RNF217: variants seen among roughly 807,000 people sequenced by gnomAD.
RNF217 encodes ring finger protein 217.
In RNF217, 31 loss-of-function variants were observed where a neutral mutation model predicts 57.8. That is an observed-to-expected ratio of 0.54 (90% CI 0.40 to 0.72). The LOEUF (loss-of-function observed/expected upper bound fraction) is 0.72, where lower values mean the gene tolerates loss of function less well. RNF217 is among the 30% of genes least tolerant of loss of function. The pLI, the probability that RNF217 is intolerant of heterozygous loss-of-function variation, is 0.00. For missense variants in RNF217, 696 were observed against 708.3 expected (o/e 0.98, Z 0.20); for synonymous variants, 313 against 294.0 (o/e 1.06, Z -0.66).
At chr6:125,020,793 AAAC>A (rs1785807557) in intron 1 of RNF217, among the ~76,000 whole-genome samples, 1 of 152,230 alleles carries the variant, frequency 6.6e-6, no homozygotes, top group African/African-American at 2.4e-5. Context: ...GAAGAGGGGA[AAAC>A]AACAAATAAA....
chr6:125,040,925 G>T (rs1478574252), intron 1 of RNF217, among the ~76,000 whole-genome samples: 4 of 152,076 alleles, frequency 2.6e-5, no homozygotes, highest in Admixed American at 2.6e-4. Flanking sequence ...AATAAATTAG[G>T]TATTGATGGA....
chr6:125,026,538 G>T (rs534171626), intron 1 of RNF217, among the ~76,000 whole-genome samples: 2 of 152,306 alleles, frequency 1.3e-5, no homozygotes, highest in South Asian at 4.1e-4. Context: ...AGCATTGAGA[G>T]CGTAAACGTG....
chr6:125,029,187 G>A (rs1786239749), intron 1 of RNF217, among the ~76,000 whole-genome samples: 1 of 152,000 alleles, frequency 6.6e-6, no homozygotes, highest in Admixed American at 6.6e-5. Flanking sequence ...GTCTTTTTTG[G>A]ACACCTCTCT....
intron 1 of RNF217, among the ~76,000 whole-genome samples, chr6:124,978,245 T>A (rs980022304): frequency 1.3e-5 from 2 of 151,926 alleles, no homozygotes; most frequent in African/African-American, 4.8e-5. Flanking sequence ...CAGTCAGAAA[T>A]CTCTTTGGCC....
At chr6:124,968,363 C>G (rs1010806255) in intron 1 of RNF217, among the ~76,000 whole-genome samples, 4 of 152,050 alleles carry the variant, frequency 2.6e-5, no homozygotes, top group African/African-American at 9.6e-5. Context: ...GCGTGTGTGT[C>G]TGGGGGTGCA....
At chr6:125,036,815 C>T (rs916526127) in intron 1 of RNF217, among the ~76,000 whole-genome samples, 3 of 151,324 alleles carry the variant, frequency 2.0e-5, no homozygotes, top group Non-Finnish European at 2.9e-5. Flanking sequence ...CAATGAGATA[C>T]CATCTCATGC....
intron 1 of RNF217, among the ~76,000 whole-genome samples, chr6:124,995,361 A>G (rs759137258): frequency 5.9e-5 from 9 of 152,238 alleles, no homozygotes; most frequent in Non-Finnish European, 1.0e-4. Context: ...GAGCTAAACA[A>G]TGTCCTGGAT....
At chr6:125,080,624 A>T (rs956783315) in intron 4 of RNF217, among the ~76,000 whole-genome samples, 10 of 152,018 alleles carry the variant, frequency 6.6e-5, no homozygotes, top group African/African-American at 2.4e-4. Flanking sequence ...CAATAACAAC[A>T]TGTATTTACT....
chr6:124,992,513 A>G (rs1362166063), intron 1 of RNF217, among the ~76,000 whole-genome samples: 1 of 152,162 alleles, frequency 6.6e-6, no homozygotes, highest in Non-Finnish European at 1.5e-5. Flanking sequence ...TAACATCTAT[A>G]GCAAGATACT....
chr6:125,078,942 G>A (rs1788473116), intron 4 of RNF217, among the ~76,000 whole-genome samples: 1 of 152,132 alleles, frequency 6.6e-6, no homozygotes, highest in African/African-American at 2.4e-5. Flanking sequence ...CTTACTCCCT[G>A]CCATTTCAGA....
intron 3 of RNF217, among the ~76,000 whole-genome samples, chr6:125,068,421 C>A (rs1045859391): frequency 6.6e-6 from 1 of 152,182 alleles, no homozygotes; most frequent in East Asian, 1.9e-4. Context: ...TCCTCTGACC[C>A]TTACACCAGA....
intron 3 of RNF217, among the ~76,000 whole-genome samples, chr6:125,063,291 TAAAC>T (rs1014152494): frequency 2.6e-5 from 4 of 152,122 alleles, no homozygotes; most frequent in African/African-American, 9.7e-5. Flanking sequence ...TAAAAGCAAA[TAAAC>T]AGTTAATGAG....
intron 2 of RNF217, among the ~76,000 whole-genome samples, chr6:125,051,943 A>C (rs1787335194): frequency 6.6e-6 from 1 of 152,074 alleles, no homozygotes; most frequent in Non-Finnish European, 1.5e-5. Flanking sequence ...ATAGACCCAG[A>C]CAAATGCTTC....
intron 1 of RNF217, among the ~76,000 whole-genome samples, chr6:124,973,355 A>G (rs1783832182): frequency 6.6e-6 from 1 of 152,118 alleles, no homozygotes. Context: ...CCTGCTGTTA[A>G]GGTTCTTAGA....
chr6:125,011,131 A>G (rs969993885), intron 1 of RNF217, among the ~76,000 whole-genome samples: 12 of 152,176 alleles, frequency 7.9e-5, no homozygotes, highest in Non-Finnish European at 1.6e-4. Context: ...AAGGGAAGGA[A>G]GAAGAACTCC....
chr6:125,062,842 T>G (rs1787790286), intron 3 of RNF217, among the ~76,000 whole-genome samples: 4 of 152,146 alleles, frequency 2.6e-5, no homozygotes. Flanking sequence ...TCCCAAAGTG[T>G]TGGATTACAG....
intron 1 of RNF217, among the ~76,000 whole-genome samples, chr6:125,019,412 T>G (rs1465970537): frequency 6.6e-6 from 1 of 152,180 alleles, no homozygotes; most frequent in Non-Finnish European, 1.5e-5. Flanking sequence ...TATCATACAG[T>G]TTTTTGTTAA....
At position 125,070,780 on chromosome 6, in the gene RNF217, A is replaced by C. The variant is rs1320896928; in HGVS notation, c.1282-5877A>C. Among the ~76,000 whole-genome samples, 6 of 152,212 alleles carry C rather than the reference A, an allele frequency of 3.9e-5. No homozygotes were observed. In the East Asian group the frequency reaches 9.6e-4, roughly 24 times the overall value. ...TCCAGGTATCAAAAGTCATTGAAGGAAACACATATATAAAAATACTTTCAA... is the reference window on the plus strand; with the variant it reads ...TCCAGGTATCAAAAGTCATTGAAGGCAACACATATATAAAAATACTTTCAA... On this transcript the variant is annotated intron_variant, in intron 3 of 5. Transcript: ENST00000521654.
chr6:124,979,381 G>A (rs541562142), intron 1 of RNF217, among the ~76,000 whole-genome samples: 23 of 152,320 alleles, frequency 1.5e-4, no homozygotes, highest in African/African-American at 5.5e-4. Flanking sequence ...GCAAGCATGT[G>A]GAAATAGGGT....
Sources: gnomAD v4.1 joint callset for allele counts (sites outside exome capture counted in the v4.1 genomes callset) on GRCh38, gnomAD v4.1.1 for gene constraint, MANE v1.5 for transcripts, NCBI Gene and HGNC (gene_info 2026-07-23, HGNC 2026-07-21) for gene names.